CYP20A1: variants seen among roughly 807,000 people sequenced by gnomAD.
CYP20A1 encodes cytochrome P450 family 20 subfamily A member 1, also known as cytochrome P450 20A1.
Under a neutral mutation model 61.4 loss-of-function variants are expected in CYP20A1, and 61 were observed. The ratio of observed to expected loss-of-function variants is 0.99; its 90% CI spans 0.81 to 1.23. The LOEUF (loss-of-function observed/expected upper bound fraction) is 1.23, where lower values mean the gene tolerates loss of function less well. CYP20A1 is among the 50% of genes most tolerant of loss of function. CYP20A1 has a pLI of 0.00. For missense variants in CYP20A1, 530 were observed against 542.4 expected (o/e 0.98, Z 0.23); for synonymous variants, 193 against 188.2 (o/e 1.03, Z -0.21).
In CYP20A1 at chr2:203,303,511, C is replaced by G. The variant is rs1056943469; in HGVS notation, c.*6603C>G. ...AGGAGTTTGAGATCAGCCTGGCCAACGTGGTGAAACTCCATCTCTACTAAA... is the reference window on the plus strand; with the variant it reads ...AGGAGTTTGAGATCAGCCTGGCCAAGGTGGTGAAACTCCATCTCTACTAAA... On this transcript the variant is annotated 3_prime_UTR_variant, in exon 13 of 13. Transcript: ENST00000356079. 6.6e-6 allele frequency among the ~76,000 whole-genome samples: 1 copy of G among 151,764 alleles called. No homozygotes were observed. Among genetic ancestry groups the G allele is most frequent in the Non-Finnish European group, 1.5e-5 (1 of 67,954 alleles).
intron 8 of CYP20A1, among the ~76,000 whole-genome samples, chr2:203,280,711 C>T (rs928934236): frequency 6.6e-6 from 1 of 152,066 alleles, no homozygotes; most frequent in Admixed American, 6.6e-5. Flanking sequence ...AACAAACAAA[C>T]AAAAATAAAA....
intron 8 of CYP20A1, 96 bp from the exon 9 acceptor site, chr2:203,285,516 C>T: frequency 2.2e-6 from 3 of 1,359,132 alleles, no homozygotes; most frequent in Non-Finnish European, 2.9e-6. Flanking sequence ...AAAGCAAATA[C>T]AAAAATCCCA....
rs1248224840 is a variant in CYP20A1 at position 203,301,206 on chromosome 2, A to AC, written c.*4298_*4299insC. Reference sequence around the variant, plus strand: ...AGTGAAACTCTATCCAAAAAAAAAAAAAAACCATACGTACATAACTTTTTT... The same window carrying AC: ...AGTGAAACTCTATCCAAAAAAAAAAACAAAACCATACGTACATAACTTTTTT... On this transcript the variant is annotated 3_prime_UTR_variant, in exon 13 of 13. Coordinates refer to ENST00000356079, the MANE Select transcript of CYP20A1 (RefSeq NM_177538.3). Among the ~76,000 whole-genome samples, 1 of 150,950 alleles carries AC rather than the reference A, an allele frequency of 6.6e-6. No homozygotes were observed. Among genetic ancestry groups the AC allele is most frequent in the East Asian group, 1.9e-4 (1 of 5,192 alleles).
chr2:203,288,995 T>G (rs2068419751), intron 9 of CYP20A1, among the ~76,000 whole-genome samples: 1 of 152,208 alleles, frequency 6.6e-6, no homozygotes, highest in Non-Finnish European at 1.5e-5. Flanking sequence ...TGATGTACAC[T>G]TAAGAGTTTG....
At chr2:203,287,711 A>AAATG (rs2068341397) in intron 9 of CYP20A1, among the ~76,000 whole-genome samples, 1 of 151,468 alleles carries the variant, frequency 6.6e-6, no homozygotes, top group South Asian at 2.1e-4. Context: ...TCTTAAAAAT[A>AAATG]AGTAAATAAA....
rs1321450238 is a variant in CYP20A1 at position 203,300,428 on chromosome 2, A to G, written c.*3520A>G. 6.6e-6 allele frequency among the ~76,000 whole-genome samples: 1 copy of G among 152,200 alleles called. No individual in the cohort carries two copies. The highest frequency in any genetic ancestry group is 1.9e-4 in the East Asian group (1 of 5,204). ...CTCAAATTTTGGCCACTTCACTGTC[A>G]CTGATGGCTTATAGAATGATTCTAG... On this transcript the variant is annotated 3_prime_UTR_variant, in exon 13 of 13. Transcript: ENST00000356079.
intron 6 of CYP20A1, among the ~76,000 whole-genome samples, chr2:203,274,934 G>C (rs1025208739): frequency 2.0e-5 from 3 of 152,158 alleles, no homozygotes; most frequent in Non-Finnish European, 4.4e-5. Flanking sequence ...GGCATAATGT[G>C]TTCCTTGGGC....
chr2:203,256,452 C>T (rs576653849), intron 4 of CYP20A1, among the ~76,000 whole-genome samples: 41 of 152,188 alleles, frequency 2.7e-4, no homozygotes, highest in African/African-American at 8.9e-4. Flanking sequence ...CTCTGCCTCC[C>T]GGGTTCAAGC....
In CYP20A1 at chr2:203,302,872, T is replaced by C. The variant is rs189394940; in HGVS notation, c.*5964T>C. ...CACACCCAGCTCATTTTTGTATTTTTAGTAGAGATGGGGTTTTACCGTGTT... is the reference window on the plus strand; with the variant it reads ...CACACCCAGCTCATTTTTGTATTTTCAGTAGAGATGGGGTTTTACCGTGTT... On this transcript the variant is annotated 3_prime_UTR_variant, in exon 13 of 13. Coordinates refer to ENST00000356079, the MANE Select transcript of CYP20A1 (RefSeq NM_177538.3). 2.3e-4 allele frequency among the ~76,000 whole-genome samples: 35 copies of C among 152,180 alleles called. 1 individual carries two copies. In the East Asian group the frequency reaches 6.4e-3, roughly 28 times the overall value.
chr2:203,272,811 G>T, intron 6 of CYP20A1, 63 bp downstream of exon 6: 4 of 943,084 alleles, frequency 4.2e-6, no homozygotes, highest in Non-Finnish European at 6.5e-6. Flanking sequence ...TTTTAATAAA[G>T]TAATCTCTGA....
chr2:203,280,054 C>T lies in CYP20A1; in HGVS notation c.796-5C>T. The T allele has an allele frequency of 6.3e-7, 1 of 1,598,830 alleles. No homozygotes were observed. On this transcript the variant is annotated splice_polypyrimidine_tract_variant and splice_region_variant and intron_variant, in intron 7 of 12. Coordinates refer to ENST00000356079, the MANE Select transcript of CYP20A1 (RefSeq NM_177538.3). The stretch of plus-strand genomic sequence containing the variant: ...ACACTTTCTAAACTTAGTTTTGTTT[C>T]CTAGATCCTAGAAGACAGTATGATA...
chr2:203,272,590 G>T, intron 5 of CYP20A1, 80 bp from the exon 6 acceptor site: 12 of 487,984 alleles, frequency 2.5e-5, no homozygotes, highest in Non-Finnish European at 3.5e-5. Context: ...GAGTTCCTAA[G>T]TCATTAGGTT....
Position 203,301,825 on chromosome 2 carries a change from T to C in CYP20A1, c.*4917T>C, listed in dbSNP as rs959040105. Among the ~76,000 whole-genome samples the C allele has an allele frequency of 6.6e-6, 1 of 152,114 alleles. No homozygotes were observed. Among genetic ancestry groups the C allele is most frequent in the Non-Finnish European group, 1.5e-5 (1 of 68,022 alleles). The stretch of plus-strand genomic sequence containing the variant: ...TGCTTTATTATGAAATAATAATGTT[T>C]ATTGTAGAAAAATCTAGGAAAACAC... On this transcript the variant is annotated 3_prime_UTR_variant, in exon 13 of 13. Transcript: ENST00000356079.
chr2:203,287,045 ATC>A (rs1241872323), intron 9 of CYP20A1, among the ~76,000 whole-genome samples: 1 of 150,288 alleles, frequency 6.7e-6, no homozygotes, highest in African/African-American at 2.4e-5. Context: ...GCAAAACCCT[ATC>A]TCTAAAAAAA....
chr2:203,286,089 C>T (rs866312315), intron 9 of CYP20A1, among the ~76,000 whole-genome samples: 4 of 152,174 alleles, frequency 2.6e-5, no homozygotes, highest in Admixed American at 6.6e-5. Context: ...AAGTGGATCA[C>T]TTAAGCCTAG....
intron 6 of CYP20A1, among the ~76,000 whole-genome samples, chr2:203,277,785 A>T (rs552231007): frequency 1.3e-5 from 2 of 151,470 alleles, no homozygotes; most frequent in South Asian, 2.1e-4. Flanking sequence ...AAGTGCTGGG[A>T]TTACAGGCAT....
rs2066480995 is a variant in CYP20A1, at chr2:203,246,929, T to TA, written c.289+10dup. On this transcript the variant is annotated intron_variant, in intron 3 of 12. Coordinates refer to ENST00000356079, the MANE Select transcript of CYP20A1 (RefSeq NM_177538.3). ...TCAATCCCAATAAGACATGTAAGTT[T>TA]AATTTTCTTTCTAATTACCTGATCC... The TA allele has an allele frequency of 6.2e-7, 1 of 1,608,606 alleles. No individual in the cohort carries two copies. The highest frequency in any genetic ancestry group is 1.3e-5 in the African/African-American group (1 of 74,420).
chr2:203,270,725 C>CTTTTTTTTTTTTTTT (rs34642332), intron 5 of CYP20A1, among the ~76,000 whole-genome samples: 1 of 141,482 alleles, frequency 7.1e-6, no homozygotes. Context: ...TAAATATTTA[C>CTTTTTTTTTTTTTTT]TTTTTTTTTT....
At chr2:203,266,936 A>G (rs1575211268) in intron 5 of CYP20A1, among the ~76,000 whole-genome samples, 1 of 152,098 alleles carries the variant, frequency 6.6e-6, no homozygotes, top group Non-Finnish European at 1.5e-5. Flanking sequence ...AGCCAAGATC[A>G]TGCCACTGCA....
Sources: gnomAD v4.1 joint callset for allele counts (sites outside exome capture counted in the v4.1 genomes callset) on GRCh38, gnomAD v4.1.1 for gene constraint, MANE v1.5 for transcripts, NCBI Gene and HGNC (gene_info 2026-07-23, HGNC 2026-07-21) for gene names.